Variants in ARPC1A observed in about 807,000 individuals in gnomAD.
The protein encoded by ARPC1A is actin-related protein 2/3 complex subunit 1A.
ARPC1A carries 8 observed loss-of-function variants against 46.9 expected under a neutral mutation model. That is an observed-to-expected ratio of 0.17 (90% CI 0.10 to 0.31). The LOEUF is 0.31. Among genes scored for constraint, ARPC1A ranks in the 10% least tolerant of loss-of-function variants. The pLI, the probability that ARPC1A is intolerant of heterozygous loss-of-function variation, is 1.00. For synonymous variants in ARPC1A, 152 were observed against 169.0 expected, an observed-to-expected ratio of 0.90 and a Z score of 0.78; for missense variants, 286 against 483.6, an observed-to-expected ratio of 0.59 and a Z score of 3.83.
intron 8 of ARPC1A, among the ~76,000 whole-genome samples, chr7:99,362,257 G>C (rs990085759): frequency 5.3e-5 from 8 of 151,290 alleles, no homozygotes; most frequent in African/African-American, 1.9e-4. Context: ...TCGCACCACT[G>C]CACTCCAGCC....
At chr7:99,334,131 C>T (rs1454750264) in intron 2 of ARPC1A, among the ~76,000 whole-genome samples, 2 of 150,902 alleles carry the variant, frequency 1.3e-5, no homozygotes, top group African/African-American at 4.9e-5. Flanking sequence ...GAGACCGAGG[C>T]GGGCAGATCA....
chr7:99,340,803 C>A (rs967497799), intron 3 of ARPC1A, among the ~76,000 whole-genome samples: 1 of 152,212 alleles, frequency 6.6e-6, no homozygotes. Flanking sequence ...TCAGCAATAA[C>A]TCATGGCCAC....
At chr7:99,348,650 C>T (rs1293064860) in intron 4 of ARPC1A, among the ~76,000 whole-genome samples, 2 of 152,184 alleles carry the variant, frequency 1.3e-5, no homozygotes, top group Admixed American at 1.3e-4. Context: ...TGCTCTGTTA[C>T]TTTTCTATAG....
intron 9 of ARPC1A, 91 bp downstream of exon 9, chr7:99,363,724 G>A: frequency 1.1e-6 from 1 of 931,972 alleles, no homozygotes; most frequent in Non-Finnish European, 1.6e-6. Context: ...CACCCAGGTT[G>A]GAGTAAGTGG....
chr7:99,343,899 G>C (rs931430848), intron 3 of ARPC1A, among the ~76,000 whole-genome samples: 3 of 152,146 alleles, frequency 2.0e-5, no homozygotes, highest in Non-Finnish European at 2.9e-5. Context: ...TAATATCATA[G>C]AATGAGGTGT....
intron 2 of ARPC1A, 28 bp downstream of exon 2, chr7:99,333,445 T>C (rs1793182561): frequency 6.3e-7 from 1 of 1,596,276 alleles, no homozygotes; most frequent in South Asian, 1.1e-5. Flanking sequence ...TTTGCTTTTG[T>C]ATTTTGGTAC....
At chr7:99,359,816 C>A in intron 8 of ARPC1A, 78 bp downstream of exon 8, 1 of 1,513,736 alleles carries the variant, frequency 6.6e-7, no homozygotes, top group Non-Finnish European at 9.1e-7. Flanking sequence ...TGGGTTCCTA[C>A]AAAAGCTCTA....
chr7:99,344,864 CT>C (rs60398022), intron 4 of ARPC1A, among the ~76,000 whole-genome samples: 27,907 of 69,164 alleles, frequency 0.4, 6,341 homozygotes, highest in African/African-American at 0.7. Flanking sequence ...AATATTTTTT[CT>C]TTTTTTTTTT....
chr7:99,358,505 C>A (rs965380890), intron 7 of ARPC1A, 90 bp downstream of exon 7: 3 of 1,023,708 alleles, frequency 2.9e-6, no homozygotes, highest in East Asian at 2.6e-5. Context: ...TAGCACAAAG[C>A]AGAACAGTTT....
intron 7 of ARPC1A, 69 bp downstream of exon 7, chr7:99,358,484 C>T (rs1019672725): frequency 5.9e-6 from 8 of 1,354,426 alleles, no homozygotes; most frequent in Admixed American, 1.7e-5. Flanking sequence ...ACAATGTGTG[C>T]TCTGTCACCC....
chr7:99,344,442 C>T lies in ARPC1A; in HGVS notation c.319C>T (p.Leu107=), dbSNP rs1189731950. ...RAATFVKWSP[L]ENKFAVGSGA... is the part of the protein sequence containing the mutation. ...AGCTACTTTTGTGAAGTGGTCCCCCCTAGAGAACAAATTTGCTGTGGGAAG... is the reference window on the plus strand; with the variant it reads ...AGCTACTTTTGTGAAGTGGTCCCCCTTAGAGAACAAATTTGCTGTGGGAAG... Residue 107 remains leucine (L), a synonymous_variant, in exon 4 of 10, where the codon CTA becomes TTA. Transcript: ENST00000262942. 4.3e-6 allele frequency: 7 copies of T among 1,613,946 alleles called. No individual in the cohort carries two copies. The highest frequency in any genetic ancestry group is 5.9e-6 in the Non-Finnish European group (7 of 1,179,842).
intron 1 of ARPC1A, among the ~76,000 whole-genome samples, chr7:99,332,595 A>G (rs1793161412): frequency 6.6e-6 from 1 of 151,792 alleles, no homozygotes; most frequent in African/African-American, 2.4e-5. Context: ...AGTTTTGACA[A>G]TGAGATAGAT....
At chr7:99,328,695 A>G (rs1201255729) in intron 1 of ARPC1A, among the ~76,000 whole-genome samples, 5 of 152,186 alleles carry the variant, frequency 3.3e-5, no homozygotes, top group African/African-American at 9.6e-5. Context: ...CATGCTTGCA[A>G]TCTTAACACT....
intron 2 of ARPC1A, among the ~76,000 whole-genome samples, chr7:99,334,888 G>C (rs768742763): frequency 6.6e-6 from 1 of 151,644 alleles, no homozygotes; most frequent in Non-Finnish European, 1.5e-5. Context: ...CTGTCGCCCA[G>C]GCTGGAGTGC....
At chr7:99,360,516 G>A (rs1311009393) in intron 8 of ARPC1A, among the ~76,000 whole-genome samples, 1 of 151,812 alleles carries the variant, frequency 6.6e-6, no homozygotes. Flanking sequence ...TAGTAGAGAC[G>A]GAGTTTCACC....
chr7:99,333,486 A>G, intron 2 of ARPC1A, 69 bp downstream of exon 2: 2 of 1,357,440 alleles, frequency 1.5e-6, no homozygotes, highest in Non-Finnish European at 2.1e-6. Context: ...AGACACATTT[A>G]GGGCTCACAT....
intron 6 of ARPC1A, among the ~76,000 whole-genome samples, chr7:99,354,939 C>T (rs1273998898): frequency 6.6e-6 from 1 of 151,814 alleles, no homozygotes; most frequent in African/African-American, 2.4e-5. Flanking sequence ...ATGGAGAAAC[C>T]CCATCTCTAC....
At position 99,359,716 on chromosome 7, in the gene ARPC1A, A is replaced by G; in HGVS notation, c.961A>G (p.Thr321Ala). The G allele has an allele frequency of 6.2e-7, 1 of 1,614,162 alleles. No homozygotes were observed. The highest frequency in any genetic ancestry group is 1.1e-5 in the South Asian group (1 of 91,090). The change falls in exon 8 of 10, where the codon ACG (threonine) becomes GCG (alanine). Residue 321 changes from threonine (T) to alanine (A), a missense_variant. This residue lies in a region of ARPC1A where 182 missense variants were observed against 276.7 expected (regional missense o/e 0.66). Coordinates refer to ENST00000262942, the MANE Select transcript of ARPC1A (RefSeq NM_006409.4). ...TGAGGACCGCAACACGGCCTTGGAG[A>G]CGCTGCACCAGAATAGCATCACGTA... Reference protein sequence around the residue: ...TTEDRNTALETLHQNSITQVS... With the variant: ...TTEDRNTALEALHQNSITQVS...
At chr7:99,358,532 CTCACTTT>C in intron 7 of ARPC1A, 117 bp downstream of exon 7, 1 of 611,472 alleles carries the variant, frequency 1.6e-6, no homozygotes, top group Non-Finnish European at 2.6e-6. Context: ...AGAAACAGAG[CTCACTTT>C]TTTTTTTTTT....
Sources: gnomAD v4.1 joint callset for allele counts (sites outside exome capture counted in the v4.1 genomes callset) on GRCh38, gnomAD v4.1.1 for gene constraint, gnomAD v4.1.1 regional missense constraint, MANE v1.5 for transcripts, NCBI Gene and HGNC (gene_info 2026-07-23, HGNC 2026-07-21) for gene names.